The following MAP4K3 variants were observed in gnomAD, a reference collection of about 807,000 sequenced individuals.
MAP4K3 encodes the protein MAPK/ERK kinase kinase kinase 3.
In MAP4K3, 94 loss-of-function variants were observed where a neutral mutation model predicts 143.5. The observed-to-expected ratio is 0.65, with a 90% CI of 0.55 to 0.78. The LOEUF (loss-of-function observed/expected upper bound fraction) is 0.78, where lower values mean the gene tolerates loss of function less well. MAP4K3 is among the 30% of genes least tolerant of loss of function. The pLI, the probability that MAP4K3 is intolerant of heterozygous loss-of-function variation, is 0.00. For synonymous variants in MAP4K3, 416 were observed against 347.2 expected, an observed-to-expected ratio of 1.20 and a Z score of -2.20; for missense variants, 1,077 against 1,068.1, an observed-to-expected ratio of 1.01 and a Z score of -0.12.
chr2:39,277,557 A>G (rs1681322568), intron 24 of MAP4K3, among the ~76,000 whole-genome samples: 1 of 151,986 alleles, frequency 6.6e-6, no homozygotes, highest in African/African-American at 2.4e-5. Context: ...GGTAATTAGA[A>G]CATGCTCCAG....
chr2:39,292,624 CTAGAA>C, intron 18 of MAP4K3, 144 bp downstream of exon 18: 1 of 707,506 alleles, frequency 1.4e-6, no homozygotes, highest in Non-Finnish European at 2.5e-6. Context: ...GTTAATGTAA[CTAGAA>C]TAGAAAAAAG....
chr2:39,306,653 TATG>T (rs1488909314), intron 15 of MAP4K3, among the ~76,000 whole-genome samples: 1 of 152,228 alleles, frequency 6.6e-6, no homozygotes, highest in African/African-American at 2.4e-5. Flanking sequence ...CCGAGATTAG[TATG>T]ATAATTTCAA....
chr2:39,305,582 A>G (rs1682672433), intron 15 of MAP4K3, among the ~76,000 whole-genome samples: 5 of 152,196 alleles, frequency 3.3e-5, no homozygotes, highest in Admixed American at 3.3e-4. Context: ...GGTTGATTTT[A>G]TAAGTTGTAT....
chr2:39,266,323 C>T (rs926179170), intron 27 of MAP4K3, among the ~76,000 whole-genome samples: 2 of 152,206 alleles, frequency 1.3e-5, no homozygotes, highest in African/African-American at 2.4e-5. Context: ...GATACTCCTT[C>T]CCTGCTATTT....
intron 2 of MAP4K3, among the ~76,000 whole-genome samples, chr2:39,376,814 T>C (rs1666230080): frequency 6.6e-6 from 1 of 152,226 alleles, no homozygotes; most frequent in South Asian, 2.1e-4. Flanking sequence ...CACTGCTTAA[T>C]GATTAAAAAT....
At chr2:39,374,625 T>C (rs1488784848) in intron 2 of MAP4K3, among the ~76,000 whole-genome samples, 1 of 151,910 alleles carries the variant, frequency 6.6e-6, no homozygotes, top group East Asian at 1.9e-4. Context: ...GAGGTTGCAG[T>C]AAGCTGAGAT....
chr2:39,415,853 T>G (rs1293082863), intron 1 of MAP4K3, among the ~76,000 whole-genome samples: 1 of 142,656 alleles, frequency 7.0e-6, no homozygotes, highest in Non-Finnish European at 1.5e-5. Flanking sequence ...CTTGGGAGGC[T>G]GAGGAAGGAG....
chr2:39,383,926 G>A (rs1476783929), intron 1 of MAP4K3, among the ~76,000 whole-genome samples: 1 of 151,930 alleles, frequency 6.6e-6, no homozygotes, highest in Admixed American at 6.5e-5. Context: ...GAAACATGGT[G>A]AAACCCTGTC....
chr2:39,374,852 G>A (rs1199482346), intron 2 of MAP4K3, among the ~76,000 whole-genome samples: 6 of 152,080 alleles, frequency 3.9e-5, no homozygotes, highest in East Asian at 3.9e-4. Context: ...CTTATCAGCT[G>A]TAAAAAAAGG....
chr2:39,371,377 C>T (rs1048607035), intron 2 of MAP4K3, among the ~76,000 whole-genome samples: 2 of 152,126 alleles, frequency 1.3e-5, no homozygotes, highest in East Asian at 3.9e-4. Context: ...CTGTCTCTTA[C>T]CTGAAGCTCT....
intron 3 of MAP4K3, among the ~76,000 whole-genome samples, chr2:39,351,440 G>C (rs1401095038): frequency 2.0e-5 from 3 of 152,106 alleles, no homozygotes; most frequent in African/African-American, 4.8e-5. Flanking sequence ...ACTGCATCTA[G>C]CATATTATGT....
At position 39,432,586 on chromosome 2, in the gene MAP4K3, G is replaced by A. The variant is rs111514463; in HGVS notation, c.96+4306C>T. On this transcript the variant is annotated intron_variant, in intron 1 of 33. Coordinates refer to ENST00000263881, the MANE Select transcript of MAP4K3 (RefSeq NM_003618.4). ...CAAATGTTCTTTTCTAAATGCTTAA[G>A]GTCTTCATATTCCTTATCCGTTAGG... Among the ~76,000 whole-genome samples the A allele has an allele frequency of 1.3e-3, 200 of 152,228 alleles. 3 individuals carry two copies. Among genetic ancestry groups the A allele is most frequent in the African/African-American group, 4.7e-3 (194 of 41,534 alleles).
At chr2:39,278,130 A>T (rs1681351499) in intron 24 of MAP4K3, among the ~76,000 whole-genome samples, 1 of 151,724 alleles carries the variant, frequency 6.6e-6, no homozygotes, top group Non-Finnish European at 1.5e-5. Context: ...AAAAACACAA[A>T]AATTGGCTGG....
intron 1 of MAP4K3, among the ~76,000 whole-genome samples, chr2:39,391,710 A>T (rs1401237423): frequency 1.3e-5 from 2 of 152,152 alleles, no homozygotes; most frequent in African/African-American, 4.8e-5. Flanking sequence ...GTAAATGTTT[A>T]AAAAAACAGC....
At chr2:39,387,372 G>A (rs562411649) in intron 1 of MAP4K3, among the ~76,000 whole-genome samples, 36 of 152,194 alleles carry the variant, frequency 2.4e-4, no homozygotes, top group African/African-American at 8.2e-4. Context: ...GAACACTACT[G>A]GCAGGTGTCT....
chr2:39,343,523 T>A, intron 3 of MAP4K3, 71 bp from the exon 4 acceptor site: 2 of 1,258,626 alleles, frequency 1.6e-6, no homozygotes, highest in Middle Eastern at 1.9e-4. Context: ...ACAAGTATTT[T>A]AAGGTTGTAA....
intron 32 of MAP4K3, among the ~76,000 whole-genome samples, chr2:39,252,993 G>T (rs1358355452): frequency 6.6e-6 from 1 of 152,176 alleles, no homozygotes; most frequent in East Asian, 1.9e-4. Context: ...AACCACTTCT[G>T]TATTTGTCTG....
rs114715555 is a variant in MAP4K3 at position 39,315,209 on chromosome 2, A to G, written c.997+101T>C. On this transcript the variant is annotated intron_variant, in intron 13 of 33. Transcript: ENST00000263881. ...AACTTTACCTTTAACAGTGTTTAGT[A>G]AGAAAAACTATTCAGAAGGAAATAA... 1,350 of 730,258 alleles carry G rather than the reference A, an allele frequency of 1.8e-3. 9 individuals are homozygous for G. In the African/African-American group the frequency reaches 0.022, roughly 12 times the overall value. 45.2% of individuals were successfully genotyped at this position (730,258 alleles called of 1,614,324 possible). A position where few individuals can be genotyped will look rare whatever the true frequency, so the allele number is the denominator to read the frequency against.
intron 2 of MAP4K3, among the ~76,000 whole-genome samples, chr2:39,362,012 G>C (rs549720188): frequency 2.6e-5 from 4 of 152,110 alleles, no homozygotes; most frequent in East Asian, 3.9e-4. Context: ...CTATGGTAAA[G>C]ACAGCAAGTA....
Sources: gnomAD v4.1 joint callset for allele counts (sites outside exome capture counted in the v4.1 genomes callset) on GRCh38, gnomAD v4.1.1 for gene constraint, MANE v1.5 for transcripts, NCBI Gene and HGNC (gene_info 2026-07-23, HGNC 2026-07-21) for gene names.